PCDHA12: variants seen among roughly 807,000 people sequenced by gnomAD.
The protein encoded by PCDHA12 is protocadherin alpha-12.
PCDHA12 carries 44 observed loss-of-function variants against 60.0 expected under a neutral mutation model. The observed-to-expected ratio is 0.73, with a 90% confidence interval of 0.58 to 0.94. The LOEUF is 0.94. PCDHA12 is among the 40% of genes least tolerant of loss of function. The pLI is 0.00. For synonymous variants in PCDHA12, 569 were observed against 553.0 expected (o/e 1.03, Z -0.40); for missense variants, 1,276 against 1,239.7 (o/e 1.03, Z -0.44).
intron 1 of PCDHA12, chr5:140,884,458 C>A: frequency 6.2e-7 from 1 of 1,613,736 alleles, no homozygotes; most frequent in Non-Finnish European, 8.5e-7. Flanking sequence ...CCACCGAGGG[C>A]GCGTGCGCGC....
intron 1 of PCDHA12, among the ~76,000 whole-genome samples, chr5:140,962,085 C>T (rs565561726): frequency 2.0e-5 from 3 of 151,950 alleles, no homozygotes; most frequent in Non-Finnish European, 4.4e-5. Context: ...CGGGGTTTCA[C>T]CATGTTAGCC....
At chr5:140,939,768 G>A (rs1241071492) in intron 1 of PCDHA12, among the ~76,000 whole-genome samples, 1 of 152,162 alleles carries the variant, frequency 6.6e-6, no homozygotes, top group Non-Finnish European at 1.5e-5. Context: ...TAGTATTTCA[G>A]GGTGTGAATG....
At chr5:140,939,712 C>T (rs1019626550) in intron 1 of PCDHA12, among the ~76,000 whole-genome samples, 2 of 152,256 alleles carry the variant, frequency 1.3e-5, no homozygotes, top group East Asian at 1.9e-4. Context: ...TTGTGAGATA[C>T]ATTTATATTG....
intron 3 of PCDHA12, among the ~76,000 whole-genome samples, chr5:141,007,495 G>T (rs2098332812): frequency 6.6e-6 from 1 of 151,988 alleles, no homozygotes; most frequent in Non-Finnish European, 1.5e-5. Flanking sequence ...TTGGACCTAG[G>T]AGGCAGAGAC....
At position 140,929,224 on chromosome 5, in the gene PCDHA12, G is replaced by A. The variant is rs138816649; in HGVS notation, c.2368-49725G>A. 8.1e-6 allele frequency: 13 copies of A among 1,613,792 alleles called. No individual in the cohort carries two copies. In the African/African-American group the frequency reaches 1.5e-4, roughly 18 times the overall value. ...GCTGTTGCGTGGGGAGTACAATGCT[G>A]CCGACCTGCGAAATCTTGCCACTGG... On this transcript the variant is annotated intron_variant, in intron 1 of 3. Transcript: ENST00000398631.
chr5:140,916,165 G>A (rs567070534), intron 1 of PCDHA12, among the ~76,000 whole-genome samples: 1 of 152,224 alleles, frequency 6.6e-6, no homozygotes, highest in East Asian at 1.9e-4. Context: ...AATGCTGCCA[G>A]GCCTGGGACT....
intron 3 of PCDHA12, among the ~76,000 whole-genome samples, chr5:141,008,259 T>G (rs986818585): frequency 3.3e-5 from 5 of 152,202 alleles, no homozygotes; most frequent in Non-Finnish European, 7.3e-5. Context: ...TAGAGGAGAC[T>G]GAGAAGTAAT....
At chr5:140,968,907 C>G in intron 1 of PCDHA12, 1 of 1,614,180 alleles carries the variant, frequency 6.2e-7, no homozygotes. Context: ...GCATTAAGCA[C>G]AGTGTCTTTT....
chr5:140,918,115 A>T (rs185486488), intron 1 of PCDHA12, among the ~76,000 whole-genome samples: 1 of 152,080 alleles, frequency 6.6e-6, no homozygotes, highest in East Asian at 1.9e-4. Context: ...CACATCCTTG[A>T]TTAGCCATAT....
rs782444555 is a variant in PCDHA12, at chr5:140,883,708, G to C, written c.2367+5869G>C. 1.2e-6 allele frequency: 2 copies of C among 1,613,664 alleles called. No homozygotes were observed. The highest frequency in any genetic ancestry group is 1.7e-6 in the Non-Finnish European group (2 of 1,179,838). On this transcript the variant is annotated intron_variant, in intron 1 of 3. Coordinates refer to ENST00000398631, the MANE Select transcript of PCDHA12 (RefSeq NM_018903.4). ...GCCACATCTTCACGGTGTCTGCTCA[G>C]GACGCGGACGCACAGGAGAACGCGC...
intron 1 of PCDHA12, among the ~76,000 whole-genome samples, chr5:140,973,341 C>T (rs1323571061): frequency 6.6e-6 from 1 of 152,124 alleles, no homozygotes; most frequent in African/African-American, 2.4e-5. Flanking sequence ...TGTAAAGTGA[C>T]ATAGTAGTGA....
rs978053855 is a variant in PCDHA12 at position 141,009,492 on chromosome 5, A to T, written c.2516-135A>T. 4 of 1,478,558 alleles carry T rather than the reference A, an allele frequency of 2.7e-6. No individual in the cohort carries two copies. In the African/African-American group the frequency reaches 5.6e-5, roughly 21 times the overall value. The allele number at this position is 1,478,558 out of a possible 1,614,324, so 91.6% of individuals were successfully genotyped here. ...ATAAGTAAACACTTGCCTTGCCCTCAGACTTGAACAAACAACTCGTGATTT... is the reference window on the plus strand; with the variant it reads ...ATAAGTAAACACTTGCCTTGCCCTCTGACTTGAACAAACAACTCGTGATTT... On this transcript the variant is annotated intron_variant, in intron 3 of 3. Coordinates refer to ENST00000398631, the MANE Select transcript of PCDHA12 (RefSeq NM_018903.4).
intron 3 of PCDHA12, among the ~76,000 whole-genome samples, chr5:140,997,722 C>G (rs2097782886): frequency 6.6e-6 from 1 of 151,372 alleles, no homozygotes; most frequent in South Asian, 2.1e-4. Context: ...CTTTCTACGT[C>G]AGTACATATA....
At chr5:140,982,984 G>A (rs558088522) in intron 3 of PCDHA12, among the ~76,000 whole-genome samples, 11 of 151,694 alleles carry the variant, frequency 7.3e-5, no homozygotes, top group Non-Finnish European at 1.5e-4. Flanking sequence ...GAAAGAAAGA[G>A]AAAAAGAAGG....
intron 1 of PCDHA12, among the ~76,000 whole-genome samples, chr5:140,955,093 G>A (rs1554221774): frequency 6.6e-6 from 1 of 152,118 alleles, no homozygotes; most frequent in African/African-American, 2.4e-5. Flanking sequence ...TAGGTGTGTG[G>A]TGTTATTTCT....
chr5:140,931,546 A>G (rs1416561002), intron 1 of PCDHA12, among the ~76,000 whole-genome samples: 1 of 152,048 alleles, frequency 6.6e-6, no homozygotes, highest in Non-Finnish European at 1.5e-5. Flanking sequence ...TACTGTTCAT[A>G]TGTGCAGGAA....
At chr5:140,954,834 G>A (rs879960376) in intron 1 of PCDHA12, among the ~76,000 whole-genome samples, 1 of 152,154 alleles carries the variant, frequency 6.6e-6, no homozygotes, top group African/African-American at 2.4e-5. Context: ...CTTTTGTCAT[G>A]AAATCTTTGC....
chr5:140,884,120 G>C, intron 1 of PCDHA12: 2 of 1,613,324 alleles, frequency 1.2e-6, no homozygotes, highest in South Asian at 2.2e-5. Flanking sequence ...GGCGGTCGGC[G>C]CGCGCATCCC....
At chr5:140,969,359 C>A (rs1554231722) in intron 1 of PCDHA12, 2 of 1,611,118 alleles carry the variant, frequency 1.2e-6, no homozygotes, top group Admixed American at 3.4e-5. Flanking sequence ...GGGTCTTCTA[C>A]AAACTCATGC....
Sources: gnomAD v4.1 joint callset for allele counts (sites outside exome capture counted in the v4.1 genomes callset) on GRCh38, gnomAD v4.1.1 for gene constraint, MANE v1.5 for transcripts, NCBI Gene and HGNC (gene_info 2026-07-23, HGNC 2026-07-21) for gene names.